The following RPS6KA5 variants were observed in gnomAD, a reference collection of about 807,000 sequenced individuals.
RPS6KA5 encodes the protein ribosomal protein S6 kinase A5, also known as ribosomal protein S6 kinase alpha-5.
Under a neutral mutation model 85.5 loss-of-function variants are expected in RPS6KA5, and 27 were observed. That is an observed-to-expected ratio of 0.32 (90% CI 0.23 to 0.44). RPS6KA5 has a LOEUF of 0.44. Ranked by LOEUF, RPS6KA5 falls within the 20% of genes least tolerant of loss-of-function variation. RPS6KA5 has a pLI of 1.00. For missense variants in RPS6KA5, 811 were observed against 980.9 expected (o/e 0.83, Z 2.31); for synonymous variants, 334 against 348.2 (o/e 0.96, Z 0.46).
Position 90,978,369 on chromosome 14 carries a change from A to G in RPS6KA5, c.331T>C (p.Ser111Pro). The change falls in exon 3 of 17, where the codon TCG becomes CCG. Residue 111 changes from serine to proline, a missense_variant. Physicochemically the swap from Ser to Pro is moderately conservative, Grantham distance 74. This residue lies in a region of RPS6KA5 where 48 missense variants were observed against 87.6 expected (regional missense o/e 0.55). Transcript: ENST00000614987. Reference protein sequence around the residue: ...ERQVLEHIRQSPFLVTLHYAF... With the variant: ...ERQVLEHIRQPPFLVTLHYAF... ...TAATGTAATGTTACCAAAAATGGCG[A>G]CTGCCTAATGTGTTCCAGGACTTGT... 1.2e-6 allele frequency: 2 copies of G among 1,613,126 alleles called. No individual in the cohort carries two copies. Among genetic ancestry groups the G allele is most frequent in the South Asian group, 2.2e-5 (2 of 90,696 alleles).
chr14:91,044,295 AAGAGAG>A (rs1324777752), intron 1 of RPS6KA5, among the ~76,000 whole-genome samples: 1 of 37,644 alleles, frequency 2.7e-5, no homozygotes, highest in Non-Finnish European at 5.5e-5. Context: ...GAGAGAGAGA[AAGAGAG>A]AGAAAGAGAG....
At chr14:90,886,575 G>A (rs2034241715) in intron 14 of RPS6KA5, among the ~76,000 whole-genome samples, 1 of 152,180 alleles carries the variant, frequency 6.6e-6, no homozygotes, top group Non-Finnish European at 1.5e-5. Context: ...CTTTGTGAGT[G>A]TGCAGACCAA....
intron 12 of RPS6KA5, 58 bp downstream of exon 12, chr14:90,899,271 T>C (rs1345338471): frequency 8.4e-7 from 1 of 1,196,692 alleles, no homozygotes; most frequent in Non-Finnish European, 1.2e-6. Context: ...GCGTGAAAAG[T>C]ACAACCCTGT....
chr14:90,941,622 TTC>T (rs1445807469), intron 5 of RPS6KA5, among the ~76,000 whole-genome samples: 1 of 152,244 alleles, frequency 6.6e-6, no homozygotes, highest in Non-Finnish European at 1.5e-5. Context: ...GGTTACCTGT[TTC>T]TTACACAGAC....
At position 90,900,126 on chromosome 14, in the gene RPS6KA5, A is replaced by G. The variant is rs772598315; in HGVS notation, c.1361T>C (p.Val454Ala). 1.6e-5 allele frequency: 25 copies of G among 1,600,302 alleles called. No homozygotes were observed. The highest frequency in any genetic ancestry group is 1.5e-4 in the African/African-American group (11 of 74,604). ...VHKKSNQAFA[V>A]KIISKRMEAN... ...GTCATACCTTTTGCTGATTATTTTG[A>G]CTGCAAAAGCTTGGTTACTTTTTTT... Residue 454 changes from valine to alanine, a missense_variant, in exon 11 of 17, where the codon GTC becomes GCC. Physicochemically the swap from Val to Ala is moderately conservative, Grantham distance 64 (BLOSUM62 0). This residue lies in a region of RPS6KA5 where 650 missense variants were observed against 793.4 expected (regional missense o/e 0.82). Coordinates refer to ENST00000614987, the MANE Select transcript of RPS6KA5 (RefSeq NM_004755.4).
At position 91,039,017 on chromosome 14, in the gene RPS6KA5, C is replaced by T. The variant is rs113724290; in HGVS notation, c.103+21315G>A. On this transcript the variant is annotated intron_variant, in intron 1 of 16. Transcript: ENST00000614987. ...CATTGATAACTGGCTGATCTCTTGT[C>T]CTCAAGATTTCAAAAGCTAAAAGAG... is the stretch of plus-strand genomic sequence containing the variant. Among the ~76,000 whole-genome samples, 523 of 152,262 alleles carry T rather than the reference C, an allele frequency of 3.4e-3. 1 individual carries two copies. Among genetic ancestry groups the T allele is most frequent in the African/African-American group, 0.011 (477 of 41,548 alleles).
chr14:90,887,918 AGCCTGG>A (rs1272129107), intron 14 of RPS6KA5, among the ~76,000 whole-genome samples: 2 of 146,706 alleles, frequency 1.4e-5, no homozygotes, highest in African/African-American at 5.0e-5. Flanking sequence ...ACTGCACTCA[AGCCTGG>A]GCGACAGAGG....
chr14:90,943,648 T>C (rs1344814390), intron 4 of RPS6KA5, among the ~76,000 whole-genome samples: 1 of 152,230 alleles, frequency 6.6e-6, no homozygotes, highest in Non-Finnish European at 1.5e-5. Context: ...ACATGACTGA[T>C]ATTTTCTAGC....
rs1315427527 is a variant in RPS6KA5 at position 90,869,922 on chromosome 14, T to C, written c.*2152A>G. 6.6e-6 allele frequency: 1 copy of C among 152,238 alleles called. No individual in the cohort carries two copies. Among genetic ancestry groups the C allele is most frequent in the Non-Finnish European group, 1.5e-5 (1 of 68,038 alleles). 9.4% of individuals were successfully genotyped at this position (152,238 alleles called of 1,614,324 possible). ...GGCTCATCAGTTGACAGCTAGCCTA[T>C]CTTTCCTTCTTCCTGTTAGTCTGAC... On this transcript the variant is annotated 3_prime_UTR_variant, in exon 17 of 17. Coordinates refer to ENST00000614987, the MANE Select transcript of RPS6KA5 (RefSeq NM_004755.4).
chr14:90,948,111 T>C (rs970496487), intron 3 of RPS6KA5, among the ~76,000 whole-genome samples: 1 of 152,230 alleles, frequency 6.6e-6, no homozygotes, highest in Non-Finnish European at 1.5e-5. Flanking sequence ...AAGTAGAAGA[T>C]TACCATTTCC....
At chr14:90,889,294 CAAAAAA>C (rs11450327) in intron 14 of RPS6KA5, among the ~76,000 whole-genome samples, 1 of 71,240 alleles carries the variant, frequency 1.4e-5, no homozygotes, top group Admixed American at 1.9e-4. Flanking sequence ...ACTTTGTCTC[CAAAAAA>C]AAAAAAAAAA....
At chr14:90,880,103 C>G (rs570709016) in intron 14 of RPS6KA5, among the ~76,000 whole-genome samples, 1 of 152,138 alleles carries the variant, frequency 6.6e-6, no homozygotes, top group Admixed American at 6.5e-5. Context: ...CTGGCCACCA[C>G]TCCTAATTTT....
chr14:90,916,615 G>T (rs1417570053), intron 7 of RPS6KA5, among the ~76,000 whole-genome samples: 3 of 151,962 alleles, frequency 2.0e-5, no homozygotes, highest in Non-Finnish European at 4.4e-5. Context: ...TACTCAGAAT[G>T]ATTATTTTGA....
At position 90,875,365 on chromosome 14, in the gene RPS6KA5, C is replaced by T. The variant is rs373423620; in HGVS notation, c.1837-5G>A. On this transcript the variant is annotated splice_region_variant and splice_polypyrimidine_tract_variant and intron_variant, in intron 14 of 16. Coordinates refer to ENST00000614987, the MANE Select transcript of RPS6KA5 (RefSeq NM_004755.4). The stretch of plus-strand genomic sequence containing the variant: ...CTGTCCTGACAACATTGTGTACTAT[C>T]AGGGAAAAAGTAACAAAACAGAATG... The T allele has an allele frequency of 1.6e-5, 26 of 1,608,246 alleles. No individual in the cohort carries two copies. The African/African-American group carries it at 3.4e-4, about 21-fold the overall frequency.
rs777061870 is a variant in RPS6KA5, at chr14:90,894,676, G to A, written c.1474-93C>T. The stretch of plus-strand genomic sequence containing the variant: ...TTTATTGACTATCTACCACCAATAC[G>A]TTTAAATAATCCCCTGTTAAAATAA... On this transcript the variant is annotated intron_variant, in intron 12 of 16. Coordinates refer to ENST00000614987, the MANE Select transcript of RPS6KA5 (RefSeq NM_004755.4). 8 of 1,353,548 alleles carry A rather than the reference G, an allele frequency of 5.9e-6. No homozygotes were observed. In the Admixed American group the frequency reaches 7.4e-5, roughly 13 times the overall value. 83.8% of individuals were successfully genotyped at this position (1,353,548 alleles called of 1,614,324 possible).
In RPS6KA5 at chr14:90,864,045, T is replaced by C. The variant is rs977147278; in HGVS notation, c.*8029A>G. 2 of 152,354 alleles carry C rather than the reference T, an allele frequency of 1.3e-5. No homozygotes were observed. Among genetic ancestry groups the C allele is most frequent in the Middle Eastern group, 3.4e-3 (1 of 294 alleles). The allele number at this position is 152,354 out of a possible 1,614,324, so 9.4% of individuals were successfully genotyped here. ...GTGCTGGGTCAAGTTAATACTCATA[T>C]GGAAATACATAAACTTTGGCTACTA... On this transcript the variant is annotated 3_prime_UTR_variant, in exon 17 of 17. Coordinates refer to ENST00000614987, the MANE Select transcript of RPS6KA5 (RefSeq NM_004755.4).
Position 90,869,801 on chromosome 14 carries a change from G to T in RPS6KA5, c.*2273C>A, listed in dbSNP as rs2032985723. ...ACTTGGCATCAAATGCTGTCTTTTT[G>T]GTACTTATAAGTAGGGTGTAGATAA... On this transcript the variant is annotated 3_prime_UTR_variant, in exon 17 of 17. Coordinates refer to ENST00000614987, the MANE Select transcript of RPS6KA5 (RefSeq NM_004755.4). The T allele has an allele frequency of 6.6e-6, 1 of 152,260 alleles. No homozygotes were observed. 9.4% of individuals were successfully genotyped at this position (152,260 alleles called of 1,614,324 possible). A position where few individuals can be genotyped will look rare whatever the true frequency, so the allele number is the denominator to read the frequency against.
At chr14:91,024,149 A>G (rs1344399345) in intron 1 of RPS6KA5, among the ~76,000 whole-genome samples, 4 of 152,056 alleles carry the variant, frequency 2.6e-5, no homozygotes, top group Non-Finnish European at 5.9e-5. Flanking sequence ...ATTTAAATCT[A>G]TTCTTCCTTG....
chr14:90,986,467 G>A (rs562687345), intron 2 of RPS6KA5, among the ~76,000 whole-genome samples: 13 of 151,562 alleles, frequency 8.6e-5, no homozygotes, highest in South Asian at 4.2e-4. Flanking sequence ...AAAAAAATAC[G>A]TTAAAATAAG....
Sources: gnomAD v4.1 joint callset for allele counts (sites outside exome capture counted in the v4.1 genomes callset) on GRCh38, gnomAD v4.1.1 for gene constraint, gnomAD v4.1.1 regional missense constraint, MANE v1.5 for transcripts, NCBI Gene and HGNC (gene_info 2026-07-23, HGNC 2026-07-21) for gene names.